VCAM1: variants seen among roughly 807,000 people sequenced by gnomAD.
VCAM1 encodes the protein vascular cell adhesion protein 1.
A neutral mutation model predicts 63.8 loss-of-function variants in VCAM1; 41 were observed. That is an observed-to-expected ratio of 0.64 (90% CI 0.50 to 0.83). VCAM1 has a LOEUF of 0.83. Ranked by LOEUF, VCAM1 falls within the 40% of genes least tolerant of loss-of-function variation. VCAM1 has a pLI of 0.00. For synonymous variants in VCAM1, 338 were observed against 320.7 expected, an observed-to-expected ratio of 1.05 and a Z score of -0.58; for missense variants, 798 against 875.5, an observed-to-expected ratio of 0.91 and a Z score of 1.12.
Position 100,738,326 on chromosome 1 carries a change from C to T in VCAM1, c.*43C>T, listed in dbSNP as rs1411076411. On this transcript the variant is annotated 3_prime_UTR_variant, in exon 9 of 9. Coordinates refer to ENST00000294728, the MANE Select transcript of VCAM1 (RefSeq NM_001078.4). ...CAACTGGAGACACTATTTATCTGTG[C>T]AAATCCTTGATACTGCTCATCATTC... 2 of 1,583,580 alleles carry T rather than the reference C, an allele frequency of 1.3e-6. No individual in the cohort carries two copies. The highest frequency in any genetic ancestry group is 3.5e-5 in the Admixed American group (2 of 57,922).
chr1:100,727,493 A>G (rs1660215803), intron 4 of VCAM1, among the ~76,000 whole-genome samples: 1 of 152,144 alleles, frequency 6.6e-6, no homozygotes, highest in South Asian at 2.1e-4. Flanking sequence ...ATGTCACTCC[A>G]TAATAAACTG....
chr1:100,720,467 CT>C lies in VCAM1; in HGVS notation c.65-5del. Reference sequence around the variant, plus strand: ...GTAAATTTGCTTCTGTCTTTTTTTGCTTTTGCAGCTCAAGCTTTTAAAATCG... The same window carrying C: ...GTAAATTTGCTTCTGTCTTTTTTTGCTTTGCAGCTCAAGCTTTTAAAATCG... On this transcript the variant is annotated splice_polypyrimidine_tract_variant and splice_region_variant and intron_variant, in intron 1 of 8. Transcript: ENST00000294728. 1 of 1,593,426 alleles carries C rather than the reference CT, an allele frequency of 6.3e-7. No homozygotes were observed. The highest frequency in any genetic ancestry group is 1.1e-5 in the South Asian group (1 of 88,664).
chr1:100,720,452 T>C (rs778681996), intron 1 of VCAM1, 24 bp from the exon 2 acceptor site: 2 of 1,598,304 alleles, frequency 1.3e-6, no homozygotes, highest in Non-Finnish European at 1.7e-6. Flanking sequence ...GTAAATTTGC[T>C]TCTGTCTTTT....
chr1:100,723,984 G>A (rs1019269838), intron 3 of VCAM1, among the ~76,000 whole-genome samples: 7 of 152,032 alleles, frequency 4.6e-5, no homozygotes, highest in African/African-American at 1.7e-4. Context: ...GCCAACTACG[G>A]CATGTTTAGC....
At position 100,719,798 on chromosome 1, in the gene VCAM1, C is replaced by T. The variant is rs932949729; in HGVS notation, c.-63C>T. ...GGAGCTGAATACCCTCCCAGGCACA[C>T]ACAGGTGGGACACAAATAAGGGTTT... is the stretch of plus-strand genomic sequence containing the variant. On this transcript the variant is annotated 5_prime_UTR_variant, in exon 1 of 9. Transcript: ENST00000294728. 3 of 1,567,056 alleles carry T rather than the reference C, an allele frequency of 1.9e-6. No homozygotes were observed. The highest frequency in any genetic ancestry group is 1.7e-5 in the Admixed American group (1 of 58,468).
intron 5 of VCAM1, among the ~76,000 whole-genome samples, chr1:100,730,147 C>T (rs529104601): frequency 2.4e-4 from 37 of 152,126 alleles, no homozygotes; most frequent in African/African-American, 7.7e-4. Flanking sequence ...GAGAACATAT[C>T]GTAGAGATTT....
At chr1:100,720,244 A>G (rs2100821469) in intron 1 of VCAM1, among the ~76,000 whole-genome samples, 1 of 152,226 alleles carries the variant, frequency 6.6e-6, no homozygotes, top group Middle Eastern at 3.4e-3. Context: ...ATAACAAAAC[A>G]GCTTTGATAA....
chr1:100,734,809 A>G, intron 8 of VCAM1, 41 bp downstream of exon 8: 2 of 1,601,106 alleles, frequency 1.2e-6, no homozygotes, highest in Non-Finnish European at 1.7e-6. Flanking sequence ...GTAATAGTTC[A>G]GAGGTTCCAA....
chr1:100,735,104 G>A (rs1432572860), intron 8 of VCAM1: 2 of 231,672 alleles, frequency 8.6e-6, no homozygotes, highest in Non-Finnish European at 1.7e-5. Flanking sequence ...TTGGCACATT[G>A]AAAAAGAAGG....
intron 2 of VCAM1, 112 bp downstream of exon 2, chr1:100,720,863 G>A: frequency 7.8e-7 from 1 of 1,281,414 alleles, no homozygotes; most frequent in African/African-American, 1.5e-5. Context: ...CAGATTCTTG[G>A]CTAAAGAACA....
chr1:100,721,475 A>G (rs1659950488), intron 2 of VCAM1, among the ~76,000 whole-genome samples: 1 of 152,090 alleles, frequency 6.6e-6, no homozygotes, highest in Non-Finnish European at 1.5e-5. Context: ...AAAGTTAGCA[A>G]GAGGAGTAAA....
chr1:100,721,705 C>T lies in VCAM1; in HGVS notation c.340+954C>T, dbSNP rs575703358. On this transcript the variant is annotated intron_variant, in intron 2 of 8. Transcript: ENST00000294728. Reference sequence around the variant, plus strand: ...AGCTTCCCAAGAAACTGTGCTTGGCCGGCTGCTTTCAATTATGCTGGTTGT... The same window carrying T: ...AGCTTCCCAAGAAACTGTGCTTGGCTGGCTGCTTTCAATTATGCTGGTTGT... Among the ~76,000 whole-genome samples the T allele has an allele frequency of 7.9e-5, 12 of 152,112 alleles. No individual in the cohort carries two copies. In the South Asian group the frequency reaches 1.5e-3, roughly 18 times the overall value.
At chr1:100,735,131 C>G (rs1270397853) in intron 8 of VCAM1, 1 of 171,190 alleles carries the variant, frequency 5.8e-6, no homozygotes, top group Admixed American at 6.0e-5. Context: ...TCCAGACCCT[C>G]TTCCTTTCTA....
At chr1:100,722,868 C>A in intron 2 of VCAM1, 152 bp from the exon 3 acceptor site, 1 of 861,146 alleles carries the variant, frequency 1.2e-6, no homozygotes, top group Non-Finnish European at 1.7e-6. Context: ...CTTGAACTCA[C>A]CCCAAATCAT....
Position 100,731,539 on chromosome 1 carries a change from T to G in VCAM1, c.1525+21T>G. 1 of 1,596,900 alleles carries G rather than the reference T, an allele frequency of 6.3e-7. No homozygotes were observed. The highest frequency in any genetic ancestry group is 1.1e-5 in the South Asian group (1 of 88,684). The stretch of plus-strand genomic sequence containing the variant: ...CAATGGTAAGTACATATGTGAGGTA[T>G]CTACAGTTTAATACCTGTCTCTTTA... On this transcript the variant is annotated intron_variant, in intron 6 of 8. Coordinates refer to ENST00000294728, the MANE Select transcript of VCAM1 (RefSeq NM_001078.4). This position sits in a 1 kb window ranked among gnomAD's most constrained non-coding sequence, Gnocchi z 4.2.
chr1:100,721,348 C>A (rs1224745143), intron 2 of VCAM1, among the ~76,000 whole-genome samples: 1 of 151,764 alleles, frequency 6.6e-6, no homozygotes, highest in Non-Finnish European at 1.5e-5. Flanking sequence ...GGTGCTCAAC[C>A]GCTCAACTTC....
intron 4 of VCAM1, 90 bp from the exon 5 acceptor site, chr1:100,729,017 T>C: frequency 1.4e-6 from 2 of 1,380,460 alleles, no homozygotes; most frequent in Non-Finnish European, 1.9e-6. Flanking sequence ...TGAAAGGAGA[T>C]CAGGAAAAAT....
rs36046590 is a variant in VCAM1, at chr1:100,720,851, TAC to T, written c.340+102_340+103del. The T allele has an allele frequency of 1.5e-4, 196 of 1,346,974 alleles. No homozygotes were observed. The East Asian group carries it at 3.9e-3, about 27-fold the overall frequency. 83.4% of individuals were successfully genotyped at this position (1,346,974 alleles called of 1,614,324 possible). ...AAAAGTTTTAAAATGGATATTCATG[TAC>T]AGATTCTTGGCTAAAGAACATACAA... On this transcript the variant is annotated intron_variant, in intron 2 of 8. Transcript: ENST00000294728.
chr1:100,719,781 A>G lies in VCAM1; in HGVS notation c.-80A>G. 6.8e-7 allele frequency: 1 copy of G among 1,469,376 alleles called. No homozygotes were observed. Among genetic ancestry groups the G allele is most frequent in the Non-Finnish European group, 9.4e-7 (1 of 1,069,404 alleles). The allele number at this position is 1,469,376 out of a possible 1,614,324, so 91.0% of individuals were successfully genotyped here. On this transcript the variant is annotated 5_prime_UTR_variant, in exon 1 of 9. Transcript: ENST00000294728. ...GGGCCTCACTGGCTTCAGGAGCTGA[A>G]TACCCTCCCAGGCACACACAGGTGG... is the stretch of plus-strand genomic sequence containing the variant.
Sources: gnomAD v4.1 joint callset for allele counts (sites outside exome capture counted in the v4.1 genomes callset) on GRCh38, gnomAD v4.1.1 for gene constraint, Gnocchi (gnomAD v3.1) non-coding constraint, MANE v1.5 for transcripts, NCBI Gene and HGNC (gene_info 2026-07-23, HGNC 2026-07-21) for gene names.